PADI1: variants seen among roughly 807,000 people sequenced by gnomAD.
The protein encoded by PADI1 is protein-arginine deiminase type-1.
PADI1 carries 65 observed loss-of-function variants against 74.8 expected under a neutral mutation model. The ratio of observed to expected loss-of-function variants is 0.87; its 90% CI spans 0.71 to 1.07. PADI1 has a LOEUF of 1.07. Among genes scored for constraint, PADI1 ranks in the 50% least tolerant of loss-of-function variants. The probability of loss-of-function intolerance (pLI) is 0.00; values close to 1 mark genes in which losing one functional copy is unlikely to be tolerated. For synonymous variants in PADI1, 371 were observed against 336.2 expected, an observed-to-expected ratio of 1.10 and a Z score of -1.13; for missense variants, 943 against 854.0, an observed-to-expected ratio of 1.10 and a Z score of -1.30.
chr1:17,242,843 G>A (rs191167321), intron 15 of PADI1, among the ~76,000 whole-genome samples: 4 of 152,190 alleles, frequency 2.6e-5, no homozygotes, highest in Non-Finnish European at 1.5e-5. Flanking sequence ...CCTGGTCCTG[G>A]TCCTGGCTCT....
At chr1:17,220,272 A>G (rs1400535661) in intron 1 of PADI1, among the ~76,000 whole-genome samples, 1 of 151,950 alleles carries the variant, frequency 6.6e-6, no homozygotes, top group Non-Finnish European at 1.5e-5. Context: ...AGGACTCGTG[A>G]TTGTTGGAAT....
At chr1:17,208,262 T>TGAACTGGTTA (rs1202342877) in intron 1 of PADI1, among the ~76,000 whole-genome samples, 2 of 152,154 alleles carry the variant, frequency 1.3e-5, no homozygotes, top group South Asian at 2.1e-4. Flanking sequence ...AGGGGCTGTG[T>TGAACTGGTTA]GAACTGGTTA....
At chr1:17,211,903 A>G (rs1438864431) in intron 1 of PADI1, among the ~76,000 whole-genome samples, 1 of 152,244 alleles carries the variant, frequency 6.6e-6, no homozygotes, top group Non-Finnish European at 1.5e-5. Context: ...AGAATGGAGT[A>G]AAAACCCTCC....
intron 1 of PADI1, among the ~76,000 whole-genome samples, chr1:17,205,905 TGATGATGGC>T (rs527305877): frequency 7.4e-4 from 113 of 152,216 alleles, no homozygotes; most frequent in Non-Finnish European, 1.2e-3. Context: ...TGATGAACAG[TGATGATGGC>T]GATGATGGCG....
At chr1:17,209,417 G>T (rs1330074977) in intron 1 of PADI1, among the ~76,000 whole-genome samples, 1 of 152,196 alleles carries the variant, frequency 6.6e-6, no homozygotes, top group South Asian at 2.1e-4. Flanking sequence ...AGGCCCGGGG[G>T]TTGTAAAAAC....
At chr1:17,226,761 A>G (rs1378898936) in intron 6 of PADI1, among the ~76,000 whole-genome samples, 1 of 152,136 alleles carries the variant, frequency 6.6e-6, no homozygotes, top group Admixed American at 6.5e-5. Flanking sequence ...TAAAAATACA[A>G]AAATTAGGCC....
chr1:17,242,749 C>G (rs898388029), intron 15 of PADI1, among the ~76,000 whole-genome samples: 1 of 152,188 alleles, frequency 6.6e-6, no homozygotes, highest in African/African-American at 2.4e-5. Flanking sequence ...ACACAGTGAG[C>G]GAGTGGCGGA....
chr1:17,207,040 A>G (rs2071704052), intron 1 of PADI1, among the ~76,000 whole-genome samples: 1 of 152,058 alleles, frequency 6.6e-6, no homozygotes, highest in African/African-American at 2.4e-5. Flanking sequence ...CTTTCACACC[A>G]AGAGTAGGAA....
rs1442125427 is a variant in PADI1 at position 17,244,119 on chromosome 1, T to C, written c.1868T>C (p.Leu623Pro). ...EEKVQSLLEP[L>P]GLHCIFIDDY... ...AAGGTGCAGTCCCTGCTGGAGCCTC[T>C]GGGCCTGCACTGCATCTTCATTGAT... Residue 623 changes from leucine to proline, a missense_variant, in exon 16 of 16, where the codon CTG (leucine) becomes CCG (proline). Transcript: ENST00000375471. The C allele has an allele frequency of 3.1e-6, 5 of 1,614,196 alleles. No individual in the cohort carries two copies. Among genetic ancestry groups the C allele is most frequent in the Non-Finnish European group, 4.2e-6 (5 of 1,180,002 alleles).
chr1:17,211,942 A>G (rs2071842756), intron 1 of PADI1, among the ~76,000 whole-genome samples: 1 of 152,232 alleles, frequency 6.6e-6, no homozygotes, highest in African/African-American at 2.4e-5. Context: ...ACAAGGGCAA[A>G]GCCAAGGATG....
At chr1:17,205,666 G>T (rs1252413786) in intron 1 of PADI1, among the ~76,000 whole-genome samples, 1 of 152,132 alleles carries the variant, frequency 6.6e-6, no homozygotes, top group Non-Finnish European at 1.5e-5. Context: ...ATGGGGAAGA[G>T]AACTGGTTCC....
At chr1:17,230,510 C>A in intron 9 of PADI1, 62 bp from the exon 10 acceptor site, 5 of 1,172,022 alleles carry the variant, frequency 4.3e-6, no homozygotes, top group Non-Finnish European at 6.1e-6. Context: ...TGGTGGGGAC[C>A]ACCCTGTTCT....
intron 11 of PADI1, 43 bp from the exon 12 acceptor site, chr1:17,237,269 CCT>C: frequency 6.4e-7 from 1 of 1,552,520 alleles, no homozygotes; most frequent in Non-Finnish European, 8.7e-7. Flanking sequence ...AGGCCTGATG[CCT>C]CTCAGGCACA....
intron 1 of PADI1, among the ~76,000 whole-genome samples, chr1:17,212,426 T>C (rs2071858401): frequency 8.0e-6 from 1 of 125,568 alleles, no homozygotes; most frequent in African/African-American, 3.0e-5. Flanking sequence ...CAAGAGCACA[T>C]TGGCCCCCAC....
In PADI1 at chr1:17,229,879, C is replaced by A. The variant is rs753622945; in HGVS notation, c.930-206C>A. Among the ~76,000 whole-genome samples, 12 of 152,310 alleles carry A rather than the reference C, an allele frequency of 7.9e-5. 1 individual carries two copies. In the South Asian group the frequency reaches 1.0e-3, roughly 13 times the overall value. On this transcript the variant is annotated intron_variant, in intron 8 of 15. Transcript: ENST00000375471. ...CCCTGCCTCTGGGCACCACTGCCCG[C>A]GCTTATGCCTCACCTTGCACCTGTC...
chr1:17,208,826 C>G (rs1364004282), intron 1 of PADI1, among the ~76,000 whole-genome samples: 1 of 152,204 alleles, frequency 6.6e-6, no homozygotes, highest in South Asian at 2.1e-4. Context: ...TGTGGCCCTC[C>G]TTGACTGCCC....
At chr1:17,226,948 G>A (rs905555130) in intron 6 of PADI1, among the ~76,000 whole-genome samples, 2 of 151,942 alleles carry the variant, frequency 1.3e-5, no homozygotes, top group African/African-American at 4.8e-5. Context: ...CTGCTCCGGA[G>A]GTTAAGGCAA....
chr1:17,238,639 C>T lies in PADI1; in HGVS notation c.1482C>T (p.Ser494=). Residue 494 remains serine, a synonymous_variant, in exon 13 of 16, where the codon AGC becomes AGT. Transcript: ENST00000375471. ...DQKGFRLLLA[S]PSACLKLFQE... is the part of the protein sequence containing the mutation. Reference sequence around the variant, plus strand: ...AGGGCTTCCGGCTGCTCCTGGCTAGCCCCAGCGCTTGCCTCAAACTCTTCC... The same window carrying T: ...AGGGCTTCCGGCTGCTCCTGGCTAGTCCCAGCGCTTGCCTCAAACTCTTCC... 1 of 1,546,278 alleles carries T rather than the reference C, an allele frequency of 6.5e-7. No individual in the cohort carries two copies. Among genetic ancestry groups the T allele is most frequent in the Non-Finnish European group, 8.8e-7 (1 of 1,140,248 alleles).
intron 4 of PADI1, among the ~76,000 whole-genome samples, chr1:17,225,353 C>G (rs946664167): frequency 1.3e-5 from 2 of 152,188 alleles, no homozygotes; most frequent in Admixed American, 1.3e-4. Context: ...GCTTGCAGAG[C>G]CTGCAGGACT....
Sources: allele counts gnomAD v4.1 joint callset (sites outside exome capture counted in the v4.1 genomes callset), GRCh38; gene constraint gnomAD v4.1.1; transcripts MANE v1.5; gene names NCBI Gene and HGNC (gene_info 2026-07-23, HGNC 2026-07-21).